Variants in IVD observed in about 807,000 individuals in gnomAD.
IVD encodes isovaleryl-CoA dehydrogenase, mitochondrial.
Under a neutral mutation model 51.3 loss-of-function variants are expected in IVD, and 31 were observed. The observed-to-expected ratio is 0.60, with a 90% CI of 0.45 to 0.81. The LOEUF (loss-of-function observed/expected upper bound fraction) is 0.81, where lower values mean the gene tolerates loss of function less well. Ranked by LOEUF, IVD falls within the 40% of genes least tolerant of loss-of-function variation. The pLI is 0.00. For synonymous variants in IVD, 205 were observed against 219.4 expected, an observed-to-expected ratio of 0.93 and a Z score of 0.58; for missense variants, 475 against 552.0, an observed-to-expected ratio of 0.86 and a Z score of 1.40.
intron 7 of IVD, among the ~76,000 whole-genome samples, chr15:40,430,051 T>A (rs911689433): frequency 6.6e-6 from 1 of 152,092 alleles, no homozygotes; most frequent in African/African-American, 2.4e-5. Context: ...TGTTTAAAGG[T>A]AGGGAGGCAG....
At chr15:40,413,208 CAT>C (rs1891271994) in intron 7 of IVD, 121 bp downstream of exon 7, 1 of 812,654 alleles carries the variant, frequency 1.2e-6, no homozygotes, top group Non-Finnish European at 2.1e-6. Context: ...GCTTCAGTGA[CAT>C]GTGGCTAGGC....
chr15:40,407,237 A>G (rs1349057460), intron 1 of IVD, among the ~76,000 whole-genome samples: 1 of 152,252 alleles, frequency 6.6e-6, no homozygotes, highest in Non-Finnish European at 1.5e-5. Context: ...AAAGAGCCTG[A>G]CAACTATTGA....
downstream of IVD, among the ~76,000 whole-genome samples, chr15:40,429,203 T>C (rs1440891469): frequency 2.6e-5 from 4 of 152,150 alleles, no homozygotes; most frequent in Non-Finnish European, 5.9e-5. Flanking sequence ...TGCCAGTGGA[T>C]GCTCTGGCAT....
At chr15:40,412,671 G>A (rs1891203983) in intron 6 of IVD, 3 of 383,808 alleles carry the variant, frequency 7.8e-6, no homozygotes, top group African/African-American at 4.2e-5. Context: ...TGGTGACAGT[G>A]TCTTGGAAGT....
chr15:40,430,051 TAGGGAGGC>T (rs1892882836), intron 7 of IVD, among the ~76,000 whole-genome samples: 1 of 152,092 alleles, frequency 6.6e-6, no homozygotes, highest in Non-Finnish European at 1.5e-5. Flanking sequence ...TGTTTAAAGG[TAGGGAGGC>T]AGAGCCTGGC....
Position 40,418,419 on chromosome 15 carries a change from C to T in IVD, c.*156C>T. On this transcript the variant is annotated 3_prime_UTR_variant, in exon 12 of 12. Transcript: ENST00000487418. ...GATGAGGTTGAGTTCTCCACAACAG[C>T]TCCCAAGCATCATGGGCCTCGCAGC... 6.5e-7 allele frequency: 1 copy of T among 1,548,418 alleles called. No individual in the cohort carries two copies. The highest frequency in any genetic ancestry group is 8.7e-7 in the Non-Finnish European group (1 of 1,152,904).
downstream of IVD, among the ~76,000 whole-genome samples, chr15:40,421,736 A>G (rs147137377): frequency 3.7e-3 from 556 of 152,318 alleles, 3 homozygotes; most frequent in Middle Eastern, 0.034. Context: ...CATATAATCT[A>G]GTGATAACAA....
At chr15:40,407,340 C>T (rs144402585) in intron 1 of IVD, among the ~76,000 whole-genome samples, 243 of 152,360 alleles carry the variant, frequency 1.6e-3, no homozygotes, top group African/African-American at 5.6e-3. Flanking sequence ...GGGTCAGCTC[C>T]TGCAGGGCCT....
At position 40,420,389 on chromosome 15, in the gene IVD, T is replaced by C. The variant is rs1595805844; in HGVS notation, c.*2126T>C. 1.0e-6 allele frequency: 1 copy of C among 987,548 alleles called. No individual in the cohort carries two copies. Among genetic ancestry groups the C allele is most frequent in the Non-Finnish European group, 1.2e-6 (1 of 830,128 alleles). The allele number at this position is 987,548 out of a possible 1,614,324, so 61.2% of individuals were successfully genotyped here. ...ATTTCTCCAGATACCCTATGGCTAA[T>C]TTTGTTATAACTGCACAGTGGCTGC... On this transcript the variant is annotated 3_prime_UTR_variant, in exon 12 of 12. Transcript: ENST00000487418.
chr15:40,418,043 G>C, intron 11 of IVD, 87 bp from the exon 12 acceptor site: 1 of 1,580,216 alleles, frequency 6.3e-7, no homozygotes, highest in South Asian at 1.1e-5. Flanking sequence ...CTCCTCCTGT[G>C]GCCTGTTTCT....
At chr15:40,433,385 C>G (rs1237740354) in intron 7 of IVD, among the ~76,000 whole-genome samples, 2 of 152,154 alleles carry the variant, frequency 1.3e-5, no homozygotes, top group Non-Finnish European at 2.9e-5. Flanking sequence ...ACACCTGCCC[C>G]CTCTGGACCT....
At chr15:40,424,918 C>A (rs770869794), downstream of IVD, among the ~76,000 whole-genome samples, 8 of 152,194 alleles carry the variant, frequency 5.3e-5, no homozygotes, top group Non-Finnish European at 1.0e-4. Context: ...CTGGCCTAAT[C>A]CCAGCATTGG....
intron 8 of IVD, chr15:40,435,267 A>G (rs937540127): frequency 9.9e-5 from 36 of 365,442 alleles, no homozygotes; most frequent in Non-Finnish European, 2.3e-5. Flanking sequence ...GGATTCTGGG[A>G]GGGCTGCCTA....
rs1377869969 is a variant in IVD at position 40,411,564 on chromosome 15, A to G, written c.560A>G (p.Tyr187Cys). ...AACATCCTGCCCTTAGGAAATCACT[A>G]CATCCTGAATGGCAACAAGTTCTGG... Reference protein sequence around the residue: ...KLKAEKKGNHYILNGNKFWIT... With the variant: ...KLKAEKKGNHCILNGNKFWIT... The change falls in exon 6 of 12, where the codon TAC (tyrosine) becomes TGC (cysteine). Residue 187 changes from tyrosine (Y) to cysteine (C), a missense_variant. By Grantham distance (194) the Tyr-to-Cys change is radical. Coordinates refer to ENST00000487418, the MANE Select transcript of IVD (RefSeq NM_002225.5). 3.1e-6 allele frequency: 5 copies of G among 1,614,212 alleles called. No homozygotes were observed. The highest frequency in any genetic ancestry group is 3.4e-6 in the Non-Finnish European group (4 of 1,180,038).
chr15:40,421,086 C>T lies in IVD; in HGVS notation c.*2823C>T. On this transcript the variant is annotated 3_prime_UTR_variant, in exon 12 of 12. Transcript: ENST00000487418. The stretch of plus-strand genomic sequence containing the variant: ...GCTCATAGGCAGTCCCTTTCACTTC[C>T]TTGTCTTGCTCCCTGCTATGTTGGA... 1.0e-6 allele frequency: 1 copy of T among 985,434 alleles called. No homozygotes were observed. The highest frequency in any genetic ancestry group is 1.2e-6 in the Non-Finnish European group (1 of 829,952). The allele number at this position is 985,434 out of a possible 1,614,324, so 61.0% of individuals were successfully genotyped here. A position where few individuals can be genotyped will look rare whatever the true frequency, so the allele number is the denominator to read the frequency against.
At chr15:40,415,860 G>A (rs1346743551) in intron 9 of IVD, among the ~76,000 whole-genome samples, 1 of 152,246 alleles carries the variant, frequency 6.6e-6, no homozygotes, top group Non-Finnish European at 1.5e-5. Flanking sequence ...TTCGGAGGCA[G>A]TGATGGCCAC....
intron 1 of IVD, chr15:40,406,420 T>G: frequency 9.0e-7 from 1 of 1,110,014 alleles, no homozygotes; most frequent in South Asian, 1.3e-5. Flanking sequence ...AGTTTGGGGG[T>G]TTTAAAAAGC....
At chr15:40,412,380 G>A (rs1218910297) in intron 6 of IVD, among the ~76,000 whole-genome samples, 1 of 152,198 alleles carries the variant, frequency 6.6e-6, no homozygotes, top group African/African-American at 2.4e-5. Context: ...TTTCATGAGC[G>A]AGTATTGTAA....
rs1033930341 is a variant in IVD at position 40,411,277 on chromosome 15, C to T, written c.474C>T (p.Tyr158=). Residue 158 remains tyrosine, a synonymous_variant, in exon 5 of 12, where the codon TAC becomes TAT. Coordinates refer to ENST00000487418, the MANE Select transcript of IVD (RefSeq NM_002225.5). The part of the protein sequence containing the change: ...KYLPKLISGE[Y]IGALAMSEPN... ...CCTTGCAGCTGATCAGTGGTGAGTA[C>T]ATCGGAGCCCTGGCCATGAGTGAGC... The T allele has an allele frequency of 1.2e-6, 2 of 1,614,038 alleles. No homozygotes were observed. The highest frequency in any genetic ancestry group is 2.7e-5 in the African/African-American group (2 of 74,914).
Sources: gnomAD v4.1 joint callset for allele counts (sites outside exome capture counted in the v4.1 genomes callset) on GRCh38, gnomAD v4.1.1 for gene constraint, MANE v1.5 for transcripts, NCBI Gene and HGNC (gene_info 2026-07-23, HGNC 2026-07-21) for gene names.